The following GRM5 variants were observed in gnomAD, a reference collection of about 807,000 sequenced individuals.
The protein encoded by GRM5 is glutamate metabotropic receptor 5.
Under a neutral mutation model 83.1 loss-of-function variants are expected in GRM5, and 19 were observed. That is an observed-to-expected ratio of 0.23 (90% CI 0.16 to 0.34). The LOEUF is 0.34. Among genes scored for constraint, GRM5 ranks in the 10% least tolerant of loss-of-function variants. The pLI is 1.00. For missense variants in GRM5, 1,160 were observed against 1,588.3 expected, an observed-to-expected ratio of 0.73 and a Z score of 4.58; for synonymous variants, 675 against 633.6, an observed-to-expected ratio of 1.07 and a Z score of -0.98.
At chr11:88,980,557 T>C (rs971825554) in intron 2 of GRM5, among the ~76,000 whole-genome samples, 1 of 152,196 alleles carries the variant, frequency 6.6e-6, no homozygotes, top group Non-Finnish European at 1.5e-5. Context: ...GTGCGGTGGC[T>C]CACAACTGTA....
intron 8 of GRM5, among the ~76,000 whole-genome samples, chr11:88,544,463 T>C (rs144585840): frequency 6.6e-6 from 1 of 152,308 alleles, no homozygotes; most frequent in East Asian, 1.9e-4. Flanking sequence ...AACTTCATTC[T>C]CCGTAAATGT....
At chr11:88,517,652 T>G (rs576713966) in intron 9 of GRM5, among the ~76,000 whole-genome samples, 1 of 152,288 alleles carries the variant, frequency 6.6e-6, no homozygotes, top group Non-Finnish European at 1.5e-5. Flanking sequence ...TATCTTTAGG[T>G]GAGACTAAAA....
intron 8 of GRM5, among the ~76,000 whole-genome samples, chr11:88,542,982 C>G (rs1463816995): frequency 6.6e-6 from 1 of 152,170 alleles, no homozygotes; most frequent in African/African-American, 2.4e-5. Flanking sequence ...GCAGGAGAAT[C>G]ACCTGAGCCC....
intron 2 of GRM5, among the ~76,000 whole-genome samples, chr11:88,892,363 T>C (rs1945160549): frequency 6.6e-6 from 1 of 151,938 alleles, no homozygotes; most frequent in African/African-American, 2.4e-5. Flanking sequence ...AGAATGTCAC[T>C]TTTTAACATG....
chr11:88,732,480 C>T (rs1213477533), intron 3 of GRM5, among the ~76,000 whole-genome samples: 3 of 151,874 alleles, frequency 2.0e-5, no homozygotes, highest in East Asian at 1.9e-4. Flanking sequence ...GTGCTGGGCA[C>T]GAGGGACTTT....
At chr11:88,648,933 T>C (rs1303957988) in intron 4 of GRM5, among the ~76,000 whole-genome samples, 1 of 151,004 alleles carries the variant, frequency 6.6e-6, no homozygotes, top group African/African-American at 2.4e-5. Context: ...AGGAAATTTT[T>C]AAACTGATGC....
At chr11:88,914,018 C>A (rs1325220671) in intron 2 of GRM5, among the ~76,000 whole-genome samples, 2 of 152,186 alleles carry the variant, frequency 1.3e-5, no homozygotes, top group Non-Finnish European at 2.9e-5. Context: ...TTTCGTAGAA[C>A]CATCTTCATT....
intron 4 of GRM5, among the ~76,000 whole-genome samples, chr11:88,637,403 C>T (rs1436870701): frequency 2.6e-5 from 4 of 151,666 alleles, no homozygotes; most frequent in African/African-American, 7.3e-5. Context: ...GCAACCTACT[C>T]ATCTGACAAA....
intron 8 of GRM5, among the ~76,000 whole-genome samples, chr11:88,528,001 TG>T (rs1941920556): frequency 6.6e-6 from 1 of 151,988 alleles, no homozygotes; most frequent in African/African-American, 2.4e-5. Flanking sequence ...ATTACCTGGG[TG>T]ATGAAATAAT....
At chr11:88,887,207 A>G (rs955063568) in intron 2 of GRM5, among the ~76,000 whole-genome samples, 3 of 152,190 alleles carry the variant, frequency 2.0e-5, no homozygotes, top group Non-Finnish European at 4.4e-5. Flanking sequence ...TCAGCAGGAA[A>G]ATTGCCATTT....
At chr11:88,948,527 A>G (rs1323264174) in intron 2 of GRM5, among the ~76,000 whole-genome samples, 1 of 152,224 alleles carries the variant, frequency 6.6e-6, no homozygotes, top group South Asian at 2.1e-4. Context: ...AGAAGAAAGC[A>G]TTATGTTTCC....
intron 4 of GRM5, among the ~76,000 whole-genome samples, chr11:88,626,972 G>GAA (rs143968431): frequency 6.6e-6 from 1 of 150,870 alleles, no homozygotes; most frequent in African/African-American, 2.4e-5. Context: ...CCAGCGCTGT[G>GAA]AAAAAAAAAA....
rs1941382455 is a variant in GRM5 at position 88,715,548 on chromosome 11, C to G, written c.912-62145G>C. Among the ~76,000 whole-genome samples the G allele has an allele frequency of 2.0e-5, 3 of 151,982 alleles. No individual in the cohort carries two copies. In the South Asian group the frequency reaches 6.2e-4, roughly 31 times the overall value. ...TTATTCTACAACGAAATCCTCCCCT[C>G]CTGATCAGTAGAATAGAGATAGATT... On this transcript the variant is annotated intron_variant, in intron 3 of 9. Transcript: ENST00000305447.
intron 2 of GRM5, among the ~76,000 whole-genome samples, chr11:88,879,600 A>G (rs1417836636): frequency 3.9e-5 from 6 of 151,950 alleles, no homozygotes; most frequent in African/African-American, 1.2e-4. Context: ...CCCTTTCTTT[A>G]TTTTATAATG....
intron 4 of GRM5, among the ~76,000 whole-genome samples, chr11:88,633,589 C>G (rs192927824): frequency 0.011 from 1,638 of 152,256 alleles, 32 homozygotes; most frequent in African/African-American, 0.037. Context: ...GTGCTGAACT[C>G]TTGGGCTCAA....
intron 4 of GRM5, among the ~76,000 whole-genome samples, chr11:88,651,358 G>T (rs11020791): frequency 0.015 from 2,279 of 152,068 alleles, 21 homozygotes; most frequent in Non-Finnish European, 0.022. Flanking sequence ...ACCGGTTAGT[G>T]TTGTCACTAA....
At chr11:88,651,580 T>A (rs1260458768) in intron 4 of GRM5, among the ~76,000 whole-genome samples, 3 of 152,094 alleles carry the variant, frequency 2.0e-5, no homozygotes, top group African/African-American at 7.2e-5. Flanking sequence ...AAATTTGAAA[T>A]TGTGAGCCAT....
intron 2 of GRM5, among the ~76,000 whole-genome samples, chr11:89,046,190 A>C (rs1941638942): frequency 2.0e-5 from 3 of 152,170 alleles, no homozygotes; most frequent in Admixed American, 2.0e-4. Flanking sequence ...GTGTTGCATA[A>C]ATATATTCCT....
chr11:88,749,953 G>A (rs1420789381), intron 3 of GRM5, among the ~76,000 whole-genome samples: 1 of 151,994 alleles, frequency 6.6e-6, no homozygotes, highest in Non-Finnish European at 1.5e-5. Context: ...AATATGGAAA[G>A]GAAAAACCGT....
Sources: gnomAD v4.1 joint callset for allele counts (sites outside exome capture counted in the v4.1 genomes callset) on GRCh38, gnomAD v4.1.1 for gene constraint, MANE v1.5 for transcripts, NCBI Gene and HGNC (gene_info 2026-07-23, HGNC 2026-07-21) for gene names.